PARD3B: variants seen among roughly 807,000 people sequenced by gnomAD.
The protein encoded by PARD3B is par-3 family cell polarity regulator beta, also known as partitioning defective 3 homolog B.
Under a neutral mutation model 130.2 loss-of-function variants are expected in PARD3B, and 103 were observed. That is an observed-to-expected ratio of 0.79 (90% confidence interval 0.67 to 0.93). The LOEUF (loss-of-function observed/expected upper bound fraction) is 0.93, where lower values mean the gene tolerates loss of function less well. Among genes scored for constraint, PARD3B ranks in the 40% least tolerant of loss-of-function variants. The pLI is 0.00. For synonymous variants in PARD3B, 583 were observed against 553.2 expected (o/e 1.05, Z -0.76); for missense variants, 1,609 against 1,499.2 (o/e 1.07, Z -1.21).
intron 2 of PARD3B, among the ~76,000 whole-genome samples, chr2:204,713,506 C>T (rs2038565209): frequency 6.6e-6 from 1 of 151,944 alleles, no homozygotes; most frequent in South Asian, 2.1e-4. Context: ...ATCTCCAGAA[C>T]TTTTTTCATT....
intron 4 of PARD3B, among the ~76,000 whole-genome samples, chr2:205,054,273 T>C (rs1699436469): frequency 1.3e-5 from 2 of 151,018 alleles, no homozygotes; most frequent in African/African-American, 4.9e-5. Flanking sequence ...AACTAAGAAG[T>C]GAGATCCCTA....
rs551196528 is a variant in PARD3B, at chr2:205,302,504, A to G, written c.2630+803A>G. 3.9e-5 allele frequency among the ~76,000 whole-genome samples: 6 copies of G among 152,356 alleles called. No individual in the cohort carries two copies. The East Asian group carries it at 7.7e-4, about 20-fold the overall frequency. ...TGATTACACCATAAAAGAAAGGCCA[A>G]TACTTAGTAGAGGCATGGACAATGC... On this transcript the variant is annotated intron_variant, in intron 18 of 22. Coordinates refer to ENST00000406610, the MANE Select transcript of PARD3B (RefSeq NM_001302769.2).
At chr2:205,219,912 T>A (rs1048124194) in intron 15 of PARD3B, among the ~76,000 whole-genome samples, 1 of 152,188 alleles carries the variant, frequency 6.6e-6, no homozygotes, top group Non-Finnish European at 1.5e-5. Context: ...ATGATTTGGA[T>A]ATAGCAGGCT....
chr2:205,090,709 A>C (rs1271612331), intron 4 of PARD3B, among the ~76,000 whole-genome samples: 1 of 152,350 alleles, frequency 6.6e-6, no homozygotes, highest in African/African-American at 2.4e-5. Context: ...GTAAGCTAGA[A>C]GCCAGGTCAG....
At chr2:205,106,216 C>T (rs577030905) in intron 5 of PARD3B, among the ~76,000 whole-genome samples, 94 of 151,948 alleles carry the variant, frequency 6.2e-4, no homozygotes, top group Non-Finnish European at 1.0e-3. Context: ...GGCGTGATCT[C>T]GGCTCACCGC....
chr2:205,211,263 C>CTGAA (rs1397105756), intron 15 of PARD3B, among the ~76,000 whole-genome samples: 5 of 152,024 alleles, frequency 3.3e-5, no homozygotes, highest in Admixed American at 3.3e-4. Flanking sequence ...TTTTATAAGA[C>CTGAA]TGAAAAGTGC....
At chr2:205,117,694 G>A (rs565884562) in intron 6 of PARD3B, among the ~76,000 whole-genome samples, 2 of 152,318 alleles carry the variant, frequency 1.3e-5, no homozygotes, top group South Asian at 2.1e-4. Context: ...AAAAGCAAGA[G>A]TATTGATAAA....
chr2:204,852,698 G>T (rs2044758988), intron 2 of PARD3B, among the ~76,000 whole-genome samples: 1 of 152,150 alleles, frequency 6.6e-6, no homozygotes. Flanking sequence ...CAATGCTCCA[G>T]AGTGTCTTGT....
At chr2:205,464,713 G>A (rs1187756556) in intron 20 of PARD3B, among the ~76,000 whole-genome samples, 2 of 152,124 alleles carry the variant, frequency 1.3e-5, no homozygotes, top group Admixed American at 1.3e-4. Context: ...CCTGCTTCTA[G>A]GCAGAAGACC....
intron 10 of PARD3B, among the ~76,000 whole-genome samples, chr2:205,150,072 G>A (rs930401480): frequency 3.9e-5 from 6 of 152,214 alleles, no homozygotes; most frequent in Non-Finnish European, 7.3e-5. Context: ...CTATGCAGGG[G>A]AGGCATTAGA....
intron 16 of PARD3B, among the ~76,000 whole-genome samples, chr2:205,264,445 G>A (rs1412326889): frequency 6.6e-6 from 1 of 151,042 alleles, no homozygotes; most frequent in Non-Finnish European, 1.5e-5. Context: ...CAGCTGCATG[G>A]AAATGCAAAG....
At chr2:204,916,750 T>C (rs7602727) in intron 2 of PARD3B, among the ~76,000 whole-genome samples, 33,701 of 152,140 alleles carry the variant, frequency 0.22, 4,262 homozygotes, top group Non-Finnish European at 0.29. Flanking sequence ...CCACATACTC[T>C]TAATTATCTG....
intron 13 of PARD3B, among the ~76,000 whole-genome samples, chr2:205,178,812 A>G (rs2035630986): frequency 6.6e-6 from 1 of 152,204 alleles, no homozygotes; most frequent in South Asian, 2.1e-4. Flanking sequence ...GACCACATAT[A>G]TCATGGTGGT....
At chr2:205,516,946 C>T (rs1195531867) in intron 21 of PARD3B, among the ~76,000 whole-genome samples, 1 of 152,000 alleles carries the variant, frequency 6.6e-6, no homozygotes. Context: ...TCCTTCAGTA[C>T]CTAGTTTATT....
intron 10 of PARD3B, among the ~76,000 whole-genome samples, chr2:205,136,667 GA>G (rs1372746055): frequency 3.3e-5 from 5 of 151,944 alleles, no homozygotes; most frequent in Admixed American, 1.3e-4. Flanking sequence ...AAAACAAACA[GA>G]AACAAATCAA....
intron 3 of PARD3B, among the ~76,000 whole-genome samples, chr2:205,010,459 C>T (rs914718668): frequency 6.6e-6 from 1 of 152,174 alleles, no homozygotes; most frequent in Non-Finnish European, 1.5e-5. Context: ...CATAGTTTCT[C>T]ATTTCTGGTT....
intron 10 of PARD3B, among the ~76,000 whole-genome samples, chr2:205,132,445 A>G (rs548272191): frequency 6.6e-6 from 1 of 152,060 alleles, no homozygotes; most frequent in African/African-American, 2.4e-5. Context: ...TCTCATTCCA[A>G]ACTCTTCATC....
intron 15 of PARD3B, among the ~76,000 whole-genome samples, chr2:205,222,547 T>C (rs988712993): frequency 3.3e-5 from 5 of 152,152 alleles, no homozygotes; most frequent in Non-Finnish European, 7.4e-5. Context: ...TTCCTTCCTA[T>C]CTGTTAAAAA....
chr2:205,278,671 C>T (rs1032879983), intron 16 of PARD3B, among the ~76,000 whole-genome samples: 1 of 152,130 alleles, frequency 6.6e-6, no homozygotes, highest in Non-Finnish European at 1.5e-5. Flanking sequence ...AATTTTTCTA[C>T]AAGTCTTCCA....
Sources: allele counts gnomAD v4.1 joint callset (sites outside exome capture counted in the v4.1 genomes callset), GRCh38; gene constraint gnomAD v4.1.1; transcripts MANE v1.5; gene names NCBI Gene and HGNC (gene_info 2026-07-23, HGNC 2026-07-21).